The following KCNMA1 variants were observed in gnomAD, a reference collection of about 807,000 sequenced individuals.
KCNMA1 encodes the protein potassium calcium-activated channel subfamily M alpha 1.
A neutral mutation model predicts 140.0 loss-of-function variants in KCNMA1; 29 were observed. That is an observed-to-expected ratio of 0.21 (90% CI 0.15 to 0.28). The LOEUF (loss-of-function observed/expected upper bound fraction) is 0.28. KCNMA1 is among the 10% of genes least tolerant of loss of function. The pLI, the probability that KCNMA1 is intolerant of heterozygous loss-of-function variation, is 1.00. For missense variants in KCNMA1, 880 were observed against 1,602.2 expected (o/e 0.55, Z 7.70); for synonymous variants, 612 against 611.9 (o/e 1.00, Z 0.00).
intron 3 of KCNMA1, among the ~76,000 whole-genome samples, chr10:77,218,835 C>T (rs1047904257): frequency 2.6e-5 from 4 of 152,036 alleles, no homozygotes; most frequent in Non-Finnish European, 2.9e-5. Flanking sequence ...CACAGGTGCA[C>T]GCCACCATAT....
intron 9 of KCNMA1, among the ~76,000 whole-genome samples, chr10:77,096,243 G>C (rs548740326): frequency 6.6e-6 from 1 of 152,246 alleles, no homozygotes; most frequent in East Asian, 1.9e-4. Context: ...TTGGGAGACT[G>C]GGGGGCGAGT....
At chr10:77,636,673 T>C (rs1174024795) in intron 1 of KCNMA1, 1 of 1,534,160 alleles carries the variant, frequency 6.5e-7, no homozygotes, top group African/African-American at 1.4e-5. Context: ...TCTCCCCAAC[T>C]TCTCTCGCCC....
chr10:77,505,273 AGACT>A (rs1567203953), intron 1 of KCNMA1, among the ~76,000 whole-genome samples: 1 of 152,256 alleles, frequency 6.6e-6, no homozygotes. Context: ...GTGAAAATAA[AGACT>A]GACTACCACT....
chr10:77,480,478 G>A (rs1567070076), intron 1 of KCNMA1, among the ~76,000 whole-genome samples: 1 of 152,190 alleles, frequency 6.6e-6, no homozygotes, highest in South Asian at 2.1e-4. Flanking sequence ...CCATCAGACA[G>A]GGACACGTTT....
intron 5 of KCNMA1, among the ~76,000 whole-genome samples, chr10:77,135,035 A>G (rs1294258539): frequency 6.8e-6 from 1 of 146,694 alleles, no homozygotes; most frequent in African/African-American, 2.5e-5. Flanking sequence ...AAAAGGAAGA[A>G]AGAATCAACG....
At chr10:77,405,293 A>G (rs1016241280) in intron 1 of KCNMA1, among the ~76,000 whole-genome samples, 9 of 152,202 alleles carry the variant, frequency 5.9e-5, no homozygotes, top group Non-Finnish European at 8.8e-5. Flanking sequence ...TTTTCTCCAT[A>G]GCACTTAAAA....
chr10:77,447,943 T>G (rs1436000510), intron 1 of KCNMA1, among the ~76,000 whole-genome samples: 1 of 152,234 alleles, frequency 6.6e-6, no homozygotes, highest in Non-Finnish European at 1.5e-5. Flanking sequence ...TAAAGATATT[T>G]GCAGAATCTG....
chr10:77,446,359 C>T (rs1011561144), intron 1 of KCNMA1, among the ~76,000 whole-genome samples: 1 of 152,226 alleles, frequency 6.6e-6, no homozygotes, highest in Non-Finnish European at 1.5e-5. Flanking sequence ...TATGGGTTGC[C>T]TAGCTGGTAG....
At chr10:77,605,048 C>T (rs1218131277) in intron 1 of KCNMA1, among the ~76,000 whole-genome samples, 2 of 152,248 alleles carry the variant, frequency 1.3e-5, no homozygotes, top group Admixed American at 6.5e-5. Context: ...AGCCATAAAA[C>T]CCGCAGTCCT....
At chr10:76,929,465 C>A (rs1485495313) in intron 23 of KCNMA1, among the ~76,000 whole-genome samples, 4 of 152,208 alleles carry the variant, frequency 2.6e-5, no homozygotes, top group Non-Finnish European at 5.9e-5. Flanking sequence ...TTGTGAATTT[C>A]TCATGTATCT....
chr10:77,352,090 C>T (rs1056906123), intron 2 of KCNMA1, among the ~76,000 whole-genome samples: 3 of 152,246 alleles, frequency 2.0e-5, no homozygotes, highest in Non-Finnish European at 2.9e-5. Context: ...TTTCTGGCCA[C>T]ACCTGTGCCA....
In KCNMA1 at chr10:77,361,250, C is replaced by T. The variant is rs117888905; in HGVS notation, c.540+42612G>A. Among the ~76,000 whole-genome samples the T allele has an allele frequency of 2.0e-3, 311 of 152,282 alleles. 1 individual carries two copies. The highest frequency in any genetic ancestry group is 7.0e-3 in the African/African-American group (291 of 41,552). ...AGTGTAGTATTATCATGATCGTCAT[C>T]GTCATCATCATCATCATTGGGGCAG... On this transcript the variant is annotated intron_variant, in intron 2 of 27. Transcript: ENST00000286628.
At chr10:77,445,331 TTCTC>T (rs140684615) in intron 1 of KCNMA1, among the ~76,000 whole-genome samples, 11 of 148,292 alleles carry the variant, frequency 7.4e-5, no homozygotes, top group Middle Eastern at 3.4e-3. Context: ...ATCGTCCATA[TTCTC>T]TCTCTCTCTC....
At chr10:76,964,048 C>T (rs926883800) in intron 20 of KCNMA1, among the ~76,000 whole-genome samples, 1 of 151,982 alleles carries the variant, frequency 6.6e-6, no homozygotes, top group Non-Finnish European at 1.5e-5. Flanking sequence ...CTTCCTGAGG[C>T]TTTGCAGAGC....
intron 17 of KCNMA1, among the ~76,000 whole-genome samples, chr10:77,016,253 A>G (rs2092012584): frequency 6.6e-6 from 1 of 152,086 alleles, no homozygotes; most frequent in Non-Finnish European, 1.5e-5. Context: ...CCCCTCTGAG[A>G]AGCTTTCACT....
At chr10:77,171,394 TGTGTGC>T (rs764665639) in intron 5 of KCNMA1, among the ~76,000 whole-genome samples, 6,357 of 102,358 alleles carry the variant, frequency 0.062, 163 homozygotes, top group Middle Eastern at 0.086. Context: ...TGCGTGTGTG[TGTGTGC>T]GTGTGTGTGT....
chr10:77,187,267 G>C (rs1441427088), intron 3 of KCNMA1, among the ~76,000 whole-genome samples: 1 of 152,204 alleles, frequency 6.6e-6, no homozygotes, highest in East Asian at 1.9e-4. Flanking sequence ...AACAGGTATT[G>C]AGAAGAGCAT....
In KCNMA1 at chr10:77,002,241, T is replaced by C. The variant is rs1235273510; in HGVS notation, c.2093-661A>G. Among the ~76,000 whole-genome samples, 4 of 152,316 alleles carry C rather than the reference T, an allele frequency of 2.6e-5. No individual in the cohort carries two copies. In the East Asian group the frequency reaches 7.7e-4, roughly 29 times the overall value. On this transcript the variant is annotated intron_variant, in intron 18 of 27. Transcript: ENST00000286628. The stretch of plus-strand genomic sequence containing the variant: ...CAGAACAAATATCCAAATCTGTCCA[T>C]ATAAGAAATGCAGCTACTCAAGACT...
intron 3 of KCNMA1, among the ~76,000 whole-genome samples, chr10:77,207,647 G>A (rs181382772): frequency 6.6e-6 from 1 of 152,132 alleles, no homozygotes; most frequent in Non-Finnish European, 1.5e-5. Flanking sequence ...CTGAGTGAAC[G>A]GCTGCTACTG....
Sources: allele counts gnomAD v4.1 joint callset (sites outside exome capture counted in the v4.1 genomes callset), GRCh38; gene constraint gnomAD v4.1.1; transcripts MANE v1.5; gene names NCBI Gene and HGNC (gene_info 2026-07-23, HGNC 2026-07-21).